Variants in CAPN3 observed in about 807,000 individuals in gnomAD.
CAPN3 encodes the protein calpain 3.
In CAPN3, 88 loss-of-function variants were observed where a neutral mutation model predicts 114.0. That is an observed-to-expected ratio of 0.77 (90% CI 0.65 to 0.92). CAPN3 has a LOEUF of 0.92. CAPN3 is among the 40% of genes least tolerant of loss of function. CAPN3 has a pLI of 0.00. For missense variants in CAPN3, 1,028 were observed against 1,069.0 expected (o/e 0.96, Z 0.53); for synonymous variants, 386 against 382.9 (o/e 1.01, Z -0.09).
intron 1 of CAPN3, among the ~76,000 whole-genome samples, chr15:42,360,664 G>A (rs1413136063): frequency 6.6e-6 from 1 of 152,202 alleles, no homozygotes; most frequent in African/African-American, 2.4e-5. Context: ...TAAAGAGAGA[G>A]AGACCTAGCA....
intron 9 of CAPN3, among the ~76,000 whole-genome samples, chr15:42,397,903 T>G (rs2053747575): frequency 6.6e-6 from 1 of 151,968 alleles, no homozygotes; most frequent in South Asian, 2.1e-4. Flanking sequence ...GTGCCTGTAG[T>G]CCCAGCTACT....
At chr15:42,367,577 T>C (rs558615723) in intron 1 of CAPN3, among the ~76,000 whole-genome samples, 1 of 152,272 alleles carries the variant, frequency 6.6e-6, no homozygotes, top group Admixed American at 6.5e-5. Flanking sequence ...GGACCAAAAA[T>C]GGGAACTACT....
At chr15:42,372,509 A>G (rs1185948483) in intron 1 of CAPN3, among the ~76,000 whole-genome samples, 11 of 152,082 alleles carry the variant, frequency 7.2e-5, no homozygotes, top group Non-Finnish European at 2.9e-5. Flanking sequence ...TTTAACAAAA[A>G]TGGTTAAACA....
rs372031294 is a variant in CAPN3, at chr15:42,409,264, C to G, written c.1915-39C>G. 19 of 1,604,790 alleles carry G rather than the reference C, an allele frequency of 1.2e-5. No homozygotes were observed. The African/African-American group carries it at 1.9e-4, about 16-fold the overall frequency. On this transcript the variant is annotated intron_variant, in intron 16 of 23. Transcript: ENST00000397163. The stretch of plus-strand genomic sequence containing the variant: ...GCTTGCCTCACAGGCCTGTGCACCT[C>G]TGACCCCTGTGAACCAGTTTTCCTT...
intron 6 of CAPN3, among the ~76,000 whole-genome samples, chr15:42,391,831 T>A (rs1037458411): frequency 1.8e-4 from 28 of 152,190 alleles, no homozygotes; most frequent in African/African-American, 6.3e-4. Flanking sequence ...TTGAATATTA[T>A]GTTCCAGGTG....
At chr15:42,398,030 G>A (rs1360558357) in intron 9 of CAPN3, among the ~76,000 whole-genome samples, 1 of 151,888 alleles carries the variant, frequency 6.6e-6, no homozygotes, top group African/African-American at 2.4e-5. Context: ...TAAAAAAAAA[G>A]TGCTGGGATT....
rs1009544440 is a variant in CAPN3 at position 42,399,591 on chromosome 15, G to T, written c.1293G>T (p.Val431=). The T allele has an allele frequency of 6.2e-7, 1 of 1,613,934 alleles. No individual in the cohort carries two copies. Among genetic ancestry groups the T allele is most frequent in the African/African-American group, 1.3e-5 (1 of 74,918 alleles). Residue 431 remains valine (V), a synonymous_variant, in exon 10 of 24, where the codon GTG becomes GTT. Transcript: ENST00000397163. ...CTGACAAGCTTCAGACCTGGACAGT[G>T]TCTGTGAACGAGGGCCGCTGGGTAC... ...LQSDKLQTWT[V]SVNEGRWVRG... is the part of the protein sequence containing the mutation.
At chr15:42,388,373 C>T (rs764141144) in intron 4 of CAPN3, among the ~76,000 whole-genome samples, 31 of 152,288 alleles carry the variant, frequency 2.0e-4, no homozygotes, top group African/African-American at 3.6e-4. Context: ...GGTGCAGTCA[C>T]GGCTCACTGC....
intron 1 of CAPN3, among the ~76,000 whole-genome samples, chr15:42,371,761 C>T (rs1595805128): frequency 1.3e-5 from 2 of 152,134 alleles, no homozygotes; most frequent in Admixed American, 6.5e-5. Context: ...GTCAGGAGTT[C>T]GAGACCAGCC....
chr15:42,369,206 GGA>G (rs2052868186), intron 1 of CAPN3, among the ~76,000 whole-genome samples: 1 of 152,146 alleles, frequency 6.6e-6, no homozygotes, highest in South Asian at 2.1e-4. Flanking sequence ...CTCTGGTCAG[GGA>G]GAGAGTTTAT....
intron 11 of CAPN3, 75 bp from the exon 12 acceptor site, chr15:42,402,049 T>A: frequency 2.5e-6 from 4 of 1,590,314 alleles, no homozygotes; most frequent in Non-Finnish European, 3.4e-6. Context: ...CGGGCTGCAG[T>A]TGCTGGCATT....
intron 1 of CAPN3, among the ~76,000 whole-genome samples, chr15:42,374,986 A>AATAAATTT (rs1321998441): frequency 7.5e-6 from 1 of 133,988 alleles, no homozygotes; most frequent in Non-Finnish European, 1.6e-5. Flanking sequence ...TTTAAATAAA[A>AATAAATTT]ATTTATTTAT....
At chr15:42,396,732 C>A in intron 8 of CAPN3, 68 bp from the exon 9 acceptor site, 1 of 1,220,674 alleles carries the variant, frequency 8.2e-7, no homozygotes, top group Non-Finnish European at 1.2e-6. Context: ...TCTCTGATAC[C>A]TCCTGTCCCA....
At chr15:42,385,064 T>C (rs989083042) in intron 2 of CAPN3, among the ~76,000 whole-genome samples, 5 of 152,254 alleles carry the variant, frequency 3.3e-5, no homozygotes, top group Non-Finnish European at 7.3e-5. Flanking sequence ...CAATTTTCTC[T>C]TTGATTGGTT....
chr15:42,408,859 C>G (rs986579750), intron 16 of CAPN3: 3 of 275,848 alleles, frequency 1.1e-5, no homozygotes, highest in Non-Finnish European at 2.1e-5. Flanking sequence ...GGCCCCTCTT[C>G]TGTCTGGGAG....
rs760344791 is a variant in CAPN3, at chr15:42,401,681, G to A, written c.1395G>A (p.Leu465=). 2.5e-6 allele frequency: 4 copies of A among 1,614,026 alleles called. No homozygotes were observed. Among genetic ancestry groups the A allele is most frequent in the African/African-American group, 2.7e-5 (2 of 74,934 alleles). Residue 465 remains leucine, a synonymous_variant, in exon 11 of 24, where the codon CTG becomes CTA. Transcript: ENST00000397163. Reference sequence around the variant, plus strand: ...ACCCTCAGTACCGTCTGAAGCTCCTGGAGGAGGACGATGACCCTGATGACT... The same window carrying A: ...ACCCTCAGTACCGTCTGAAGCTCCTAGAGGAGGACGATGACCCTGATGACT... ...WTNPQYRLKL[L]EEDDDPDDSE...
At chr15:42,360,241 C>T in intron 1 of CAPN3, 127 bp downstream of exon 1, 2 of 1,023,830 alleles carry the variant, frequency 2.0e-6, no homozygotes, top group Non-Finnish European at 3.1e-6. Flanking sequence ...CTCTGCTGGG[C>T]TCTGTCTTTA....
At position 42,389,986 on chromosome 15, in the gene CAPN3, T is replaced by C. The variant is rs755930521; in HGVS notation, c.835T>C (p.Ser279Pro). 153 of 1,613,966 alleles carry C rather than the reference T, an allele frequency of 9.5e-5. No individual in the cohort carries two copies. The highest frequency in any genetic ancestry group is 1.2e-4 in the Non-Finnish European group (145 of 1,179,978). Reference sequence around the variant, plus strand: ...GAACATGACCTATGGAACCTCTCCTTCTGGTCTGAACATGGGGGAGTTGAT... The same window carrying C: ...GAACATGACCTATGGAACCTCTCCTCCTGGTCTGAACATGGGGGAGTTGAT... Reference protein sequence around the residue: ...GTNMTYGTSPSGLNMGELIAR... With the variant: ...GTNMTYGTSPPGLNMGELIAR... The change falls in exon 6 of 24, where the codon TCT becomes CCT. Residue 279 changes from serine to proline, a missense_variant. Physicochemically the swap from Ser to Pro is moderately conservative, Grantham distance 74. Transcript: ENST00000397163.
chr15:42,411,691 G>GGGA, intron 23 of CAPN3, 56 bp from the exon 24 acceptor site: 1 of 418,808 alleles, frequency 2.4e-6, no homozygotes, highest in East Asian at 6.3e-5. Flanking sequence ...CCTAGGGCGG[G>GGGA]GGGGGGGGGG....
Sources: gnomAD v4.1 joint callset for allele counts (sites outside exome capture counted in the v4.1 genomes callset) on GRCh38, gnomAD v4.1.1 for gene constraint, MANE v1.5 for transcripts, NCBI Gene and HGNC (gene_info 2026-07-23, HGNC 2026-07-21) for gene names.